The following RSRC1 variants were observed in gnomAD, a reference collection of about 807,000 sequenced individuals.
RSRC1 encodes the protein serine/Arginine-related protein 53.
Under a neutral mutation model 49.1 loss-of-function variants are expected in RSRC1, and 39 were observed. The ratio of observed to expected loss-of-function variants is 0.79; its 90% CI spans 0.61 to 1.04. RSRC1 has a LOEUF of 1.04. Among genes scored for constraint, RSRC1 ranks in the 50% least tolerant of loss-of-function variants. RSRC1 has a pLI of 0.00. For synonymous variants in RSRC1, 143 were observed against 130.8 expected, an observed-to-expected ratio of 1.09 and a Z score of -0.63; for missense variants, 388 against 402.4, an observed-to-expected ratio of 0.96 and a Z score of 0.31.
intron 7 of RSRC1, among the ~76,000 whole-genome samples, chr3:158,509,902 T>A (rs1461590331): frequency 6.6e-6 from 1 of 152,196 alleles, no homozygotes; most frequent in Non-Finnish European, 1.5e-5. Context: ...TATACCTCTC[T>A]CCTGGTACAC....
chr3:158,381,993 T>C (rs9873426), intron 6 of RSRC1, among the ~76,000 whole-genome samples: 79,340 of 151,948 alleles, frequency 0.52, 21,115 homozygotes, highest in African/African-American at 0.61. Flanking sequence ...ACTTTATAAA[T>C]TTTAATTTTT....
chr3:158,137,137 C>T (rs1716428560), intron 3 of RSRC1, among the ~76,000 whole-genome samples: 1 of 152,150 alleles, frequency 6.6e-6, no homozygotes, highest in Non-Finnish European at 1.5e-5. Flanking sequence ...CACTTTTACA[C>T]TGACATGCAA....
chr3:158,415,500 C>T (rs1195453790), intron 6 of RSRC1, among the ~76,000 whole-genome samples: 1 of 151,780 alleles, frequency 6.6e-6, no homozygotes, highest in Non-Finnish European at 1.5e-5. Context: ...CTTAATTACT[C>T]AAATTCTCGG....
chr3:158,131,509 A>G (rs576484970), intron 3 of RSRC1, among the ~76,000 whole-genome samples: 5 of 152,298 alleles, frequency 3.3e-5, no homozygotes, highest in Non-Finnish European at 5.9e-5. Flanking sequence ...ATTTTGTACC[A>G]TACCCAAAAC....
chr3:158,184,992 C>T (rs111640355), intron 3 of RSRC1, among the ~76,000 whole-genome samples: 2 of 150,234 alleles, frequency 1.3e-5, no homozygotes, highest in African/African-American at 2.4e-5. Flanking sequence ...ACATAGTTTT[C>T]GGAGTTTGAT....
At chr3:158,423,252 T>C (rs1392479227) in intron 6 of RSRC1, among the ~76,000 whole-genome samples, 3 of 152,162 alleles carry the variant, frequency 2.0e-5, no homozygotes, top group Non-Finnish European at 4.4e-5. Context: ...TTGATTTTTG[T>C]ATAAGGTGTA....
At chr3:158,208,549 T>C (rs1329777297) in intron 4 of RSRC1, among the ~76,000 whole-genome samples, 6 of 152,148 alleles carry the variant, frequency 3.9e-5, no homozygotes, top group Non-Finnish European at 8.8e-5. Context: ...TTCTTTATTT[T>C]TTCTTGAGAT....
chr3:158,538,235 T>C (rs1041314969), intron 8 of RSRC1, among the ~76,000 whole-genome samples: 2 of 151,856 alleles, frequency 1.3e-5, no homozygotes, highest in African/African-American at 4.8e-5. Context: ...TTTAAAATAA[T>C]TTATTCAGGA....
chr3:158,246,316 G>A (rs538758959), intron 4 of RSRC1, among the ~76,000 whole-genome samples: 1 of 151,792 alleles, frequency 6.6e-6, no homozygotes, highest in Non-Finnish European at 1.5e-5. Context: ...GTTAATGGGT[G>A]CAGCCCACCA....
At chr3:158,404,440 C>T (rs1734049368) in intron 6 of RSRC1, among the ~76,000 whole-genome samples, 1 of 151,918 alleles carries the variant, frequency 6.6e-6, no homozygotes, top group African/African-American at 2.4e-5. Flanking sequence ...TCTGAATGAT[C>T]TAATTCAGTC....
At chr3:158,203,006 A>G (rs1721147839) in intron 3 of RSRC1, 66 bp from the exon 4 acceptor site, 4 of 1,278,398 alleles carry the variant, frequency 3.1e-6, no homozygotes, top group Non-Finnish European at 4.3e-6. Flanking sequence ...ATAATTTAAA[A>G]GAGTATTTAC....
At chr3:158,381,988 A>T (rs1471014282) in intron 6 of RSRC1, among the ~76,000 whole-genome samples, 1 of 152,170 alleles carries the variant, frequency 6.6e-6, no homozygotes, top group Non-Finnish European at 1.5e-5. Context: ...TTTTTACTTT[A>T]TAAATTTTAA....
intron 6 of RSRC1, among the ~76,000 whole-genome samples, chr3:158,387,296 A>G (rs1733017651): frequency 1.3e-5 from 2 of 152,084 alleles, no homozygotes; most frequent in Admixed American, 6.5e-5. Flanking sequence ...GGATTTATCT[A>G]TGGCATTAGG....
At chr3:158,438,145 A>G (rs536748144) in intron 6 of RSRC1, among the ~76,000 whole-genome samples, 1 of 152,280 alleles carries the variant, frequency 6.6e-6, no homozygotes, top group South Asian at 2.1e-4. Context: ...AGAACTACAA[A>G]CCACTGCTCA....
chr3:158,142,795 G>T (rs1716832382), intron 3 of RSRC1, among the ~76,000 whole-genome samples: 1 of 152,126 alleles, frequency 6.6e-6, no homozygotes, highest in African/African-American at 2.4e-5. Context: ...CAACACTGGG[G>T]ATTATATTTC....
chr3:158,163,450 G>A (rs1187818478), intron 3 of RSRC1, among the ~76,000 whole-genome samples: 1 of 152,162 alleles, frequency 6.6e-6, no homozygotes, highest in South Asian at 2.1e-4. Flanking sequence ...TAAGTCAGGT[G>A]TCATTGAAGA....
chr3:158,458,539 G>C (rs1217131798), intron 6 of RSRC1, among the ~76,000 whole-genome samples: 2 of 152,152 alleles, frequency 1.3e-5, no homozygotes, highest in African/African-American at 4.8e-5. Context: ...TGGCGTCCAG[G>C]GTGGGTAGTG....
intron 7 of RSRC1, among the ~76,000 whole-genome samples, chr3:158,508,936 C>G (rs1740011276): frequency 6.6e-6 from 1 of 152,144 alleles, no homozygotes; most frequent in Non-Finnish European, 1.5e-5. Context: ...CAGATATTTT[C>G]TCCTGTTGGT....
chr3:158,493,521 T>C (rs893430577), intron 7 of RSRC1, among the ~76,000 whole-genome samples: 6 of 152,212 alleles, frequency 3.9e-5, no homozygotes, highest in African/African-American at 7.2e-5. Context: ...TTAGAGAAAA[T>C]AGATTTTTTG....
Sources: gnomAD v4.1 joint callset for allele counts (sites outside exome capture counted in the v4.1 genomes callset) on GRCh38, gnomAD v4.1.1 for gene constraint, MANE v1.5 for transcripts, NCBI Gene and HGNC (gene_info 2026-07-23, HGNC 2026-07-21) for gene names.